The following VEPH1 variants were observed in gnomAD, a reference collection of about 807,000 sequenced individuals.
The protein encoded by VEPH1 is ventricular zone-expressed PH domain-containing protein homolog 1.
Under a neutral mutation model 85.2 loss-of-function variants are expected in VEPH1, and 80 were observed. The ratio of observed to expected loss-of-function variants is 0.94; its 90% confidence interval spans 0.78 to 1.13. The LOEUF (loss-of-function observed/expected upper bound fraction) is 1.13. Ranked by LOEUF, VEPH1 falls within the 50% of genes most tolerant of loss-of-function variation. VEPH1 has a pLI of 0.00. For missense variants in VEPH1, 955 were observed against 980.5 expected (o/e 0.97, Z 0.35); for synonymous variants, 297 against 348.0 (o/e 0.85, Z 1.63).
At chr3:157,337,580 T>TA (rs1723083819) in intron 9 of VEPH1, among the ~76,000 whole-genome samples, 1 of 152,228 alleles carries the variant, frequency 6.6e-6, no homozygotes, top group African/African-American at 2.4e-5. Context: ...GGTAAAATGA[T>TA]AAGATTAAGG....
At chr3:157,438,499 T>C (rs897020578) in intron 4 of VEPH1, among the ~76,000 whole-genome samples, 8 of 152,178 alleles carry the variant, frequency 5.3e-5, no homozygotes, top group African/African-American at 1.4e-4. Context: ...AGCGGAATTC[T>C]TCAGGGGTCC....
At chr3:157,490,711 T>C (rs933727142) in intron 2 of VEPH1, among the ~76,000 whole-genome samples, 1 of 152,348 alleles carries the variant, frequency 6.6e-6, no homozygotes. Context: ...AATTTGTTGG[T>C]ATATCACAAA....
chr3:157,267,102 CT>C (rs10537483), intron 12 of VEPH1, among the ~76,000 whole-genome samples: 14,426 of 124,504 alleles, frequency 0.12, 931 homozygotes, highest in African/African-American at 0.28. Flanking sequence ...TCTTTTTTTT[CT>C]TTTTTTTTTT....
intron 9 of VEPH1, 114 bp downstream of exon 9, chr3:157,363,250 A>T: frequency 5.1e-6 from 5 of 982,584 alleles, no homozygotes; most frequent in Non-Finnish European, 7.3e-6. Context: ...AAAAAAAATG[A>T]TCTATTTTGC....
chr3:157,474,615 C>G (rs1357151940), intron 2 of VEPH1, among the ~76,000 whole-genome samples: 1 of 152,076 alleles, frequency 6.6e-6, no homozygotes, highest in Admixed American at 6.6e-5. Flanking sequence ...TGGGTCCAAA[C>G]CATTTTATCA....
intron 4 of VEPH1, among the ~76,000 whole-genome samples, chr3:157,447,798 T>G (rs1734663312): frequency 6.6e-6 from 1 of 152,106 alleles, no homozygotes; most frequent in East Asian, 1.9e-4. Context: ...TTTTACCATG[T>G]TGGCCAGCCT....
chr3:157,369,192 A>AAAAAAAAAAAAAAAAAAAAAC lies in VEPH1; in HGVS notation c.1128-4681_1128-4680insGTTTTTTTTTTTTTTTTTTTT, dbSNP rs1553773117. Reference sequence around the variant, plus strand: ...ACAAAAACCAAATGAAAAAAAAAAAAAAAAAAAAAAAACCTCCTGAGGTCT... The same window carrying AAAAAAAAAAAAAAAAAAAAAC: ...ACAAAAACCAAATGAAAAAAAAAAAAAAAAAAAAAAAAAAAAAAAACAAAAAAAAAAAACCTCCTGAGGTCT... On this transcript the variant is annotated intron_variant, in intron 7 of 13. Transcript: ENST00000362010. 6.9e-4 allele frequency among the ~76,000 whole-genome samples: 99 copies of AAAAAAAAAAAAAAAAAAAAAC among 142,750 alleles called. 3 individuals carry two copies. Among genetic ancestry groups the AAAAAAAAAAAAAAAAAAAAAC allele is most frequent in the Non-Finnish European group, 1.0e-3 (65 of 64,466 alleles). 93.6% of individuals were successfully genotyped at this position (142,750 alleles called of 152,430 possible).
intron 11 of VEPH1, among the ~76,000 whole-genome samples, chr3:157,312,721 C>A (rs1431860697): frequency 6.6e-6 from 1 of 152,088 alleles, no homozygotes; most frequent in Non-Finnish European, 1.5e-5. Context: ...CCTATAACTT[C>A]TAACTTTAGT....
intron 6 of VEPH1, among the ~76,000 whole-genome samples, chr3:157,389,386 T>C (rs1224497741): frequency 6.6e-6 from 1 of 151,908 alleles, no homozygotes; most frequent in Non-Finnish European, 1.5e-5. Context: ...AAAGAGGCCA[T>C]GAAAAGAATA....
intron 9 of VEPH1, among the ~76,000 whole-genome samples, chr3:157,323,262 T>A (rs1721542883): frequency 6.6e-6 from 1 of 152,196 alleles, no homozygotes; most frequent in South Asian, 2.1e-4. Flanking sequence ...TCAAAAATAA[T>A]AATGAATTTG....
intron 5 of VEPH1, among the ~76,000 whole-genome samples, chr3:157,418,665 G>T (rs1732102209): frequency 6.6e-6 from 1 of 150,772 alleles, no homozygotes; most frequent in Admixed American, 6.7e-5. Flanking sequence ...ACAAACCACT[G>T]CTCAAGAAAA....
At chr3:157,443,849 A>G (rs1734333732) in intron 4 of VEPH1, among the ~76,000 whole-genome samples, 1 of 152,220 alleles carries the variant, frequency 6.6e-6, no homozygotes, top group South Asian at 2.1e-4. Flanking sequence ...TGATGAAATA[A>G]GAATCTCTAG....
At chr3:157,461,314 C>T (rs140800033) in intron 3 of VEPH1, among the ~76,000 whole-genome samples, 63 of 151,992 alleles carry the variant, frequency 4.1e-4, no homozygotes, top group Admixed American at 2.3e-3. Flanking sequence ...ATGAATGGTA[C>T]ATATTCACTA....
chr3:157,371,503 G>A (rs1727481914), intron 7 of VEPH1, among the ~76,000 whole-genome samples: 2 of 152,128 alleles, frequency 1.3e-5, no homozygotes, highest in Admixed American at 6.5e-5. Flanking sequence ...CTGGACCAGC[G>A]GCATCAGCAT....
intron 4 of VEPH1, among the ~76,000 whole-genome samples, chr3:157,444,443 C>T (rs1213773270): frequency 1.3e-5 from 2 of 152,202 alleles, no homozygotes; most frequent in East Asian, 3.8e-4. Context: ...TAGCTTCATT[C>T]CACTTGTGAA....
intron 11 of VEPH1, among the ~76,000 whole-genome samples, chr3:157,289,673 C>A (rs533788109): frequency 6.6e-6 from 1 of 152,328 alleles, no homozygotes; most frequent in African/African-American, 2.4e-5. Flanking sequence ...CCTTCTTTAC[C>A]CTTCTGGGTC....
rs996250774 is a variant in VEPH1 at position 157,379,320 on chromosome 3, G to A, written c.1127+1836C>T. On this transcript the variant is annotated intron_variant, in intron 7 of 13. Coordinates refer to ENST00000362010, the MANE Select transcript of VEPH1 (RefSeq NM_001167912.2). ...TATGTGCTATTTTTTTTAATTTGTG[G>A]TATCCTTTTTACCCTTATCTGGGGA... Among the ~76,000 whole-genome samples, 9 of 152,092 alleles carry A rather than the reference G, an allele frequency of 5.9e-5. No homozygotes were observed. The South Asian group carries it at 1.9e-3, about 32-fold the overall frequency.
At chr3:157,427,277 C>A (rs537193955) in intron 5 of VEPH1, among the ~76,000 whole-genome samples, 4 of 152,282 alleles carry the variant, frequency 2.6e-5, no homozygotes, top group Admixed American at 2.0e-4. Flanking sequence ...AGCCACCACA[C>A]CCAGCCTAAT....
At chr3:157,499,464 C>T (rs1403496358) in intron 1 of VEPH1, 1 of 152,148 alleles carries the variant, frequency 6.6e-6, no homozygotes, top group Non-Finnish European at 1.5e-5. Flanking sequence ...GCGGGAGATT[C>T]AGGCAGGCTC....
Sources: allele counts gnomAD v4.1 joint callset (sites outside exome capture counted in the v4.1 genomes callset), GRCh38; gene constraint gnomAD v4.1.1; transcripts MANE v1.5; gene names NCBI Gene and HGNC (gene_info 2026-07-23, HGNC 2026-07-21).